THSD7B: variants seen among roughly 807,000 people sequenced by gnomAD.
The protein encoded by THSD7B is thrombospondin type-1 domain-containing protein 7B.
A neutral mutation model predicts 213.6 loss-of-function variants in THSD7B; 138 were observed. The ratio of observed to expected loss-of-function variants is 0.65; its 90% CI spans 0.56 to 0.74. The LOEUF (loss-of-function observed/expected upper bound fraction) is 0.74, where lower values mean the gene tolerates loss of function less well. Ranked by LOEUF, THSD7B falls within the 30% of genes least tolerant of loss-of-function variation. THSD7B has a pLI of 0.00. For synonymous variants in THSD7B, 742 were observed against 687.0 expected (o/e 1.08, Z -1.25); for missense variants, 1,931 against 1,991.5 (o/e 0.97, Z 0.58).
intron 14 of THSD7B, among the ~76,000 whole-genome samples, chr2:137,433,785 A>G (rs1687235840): frequency 6.6e-6 from 1 of 152,156 alleles, no homozygotes; most frequent in African/African-American, 2.4e-5. Flanking sequence ...ATACCTATTG[A>G]TGCATTTTCA....
chr2:137,341,990 C>T (rs1264595281), intron 12 of THSD7B, among the ~76,000 whole-genome samples: 1 of 150,934 alleles, frequency 6.6e-6, no homozygotes, highest in Non-Finnish European at 1.5e-5. Context: ...TGTTGTTGCT[C>T]CATATGAATT....
intron 9 of THSD7B, among the ~76,000 whole-genome samples, chr2:137,237,339 A>G (rs1338651876): frequency 6.6e-6 from 1 of 152,204 alleles, no homozygotes; most frequent in Non-Finnish European, 1.5e-5. Flanking sequence ...AAGTGAATCC[A>G]TCTGTTTCTC....
chr2:137,063,886 A>G (rs1176684744), intron 3 of THSD7B, among the ~76,000 whole-genome samples: 1 of 152,026 alleles, frequency 6.6e-6, no homozygotes, highest in Admixed American at 6.6e-5. Flanking sequence ...TCCATTGTGT[A>G]TATGTACCAC....
chr2:136,935,785 T>C (rs78536724), intron 2 of THSD7B, among the ~76,000 whole-genome samples: 2,496 of 151,842 alleles, frequency 0.016, 35 homozygotes, highest in Middle Eastern at 0.021. Context: ...GAGTGTGCTC[T>C]GTGAAGGGGG....
At chr2:136,781,407 G>A (rs1681739982) in intron 1 of THSD7B, among the ~76,000 whole-genome samples, 1 of 151,284 alleles carries the variant, frequency 6.6e-6, no homozygotes, top group South Asian at 2.1e-4. Context: ...TGGGACCACA[G>A]GTGCACACCA....
intron 15 of THSD7B, among the ~76,000 whole-genome samples, chr2:137,496,238 C>G (rs2105129031): frequency 6.6e-6 from 1 of 152,228 alleles, no homozygotes; most frequent in South Asian, 2.1e-4. Context: ...GAGTAGATTC[C>G]AGGTCCAATG....
intron 1 of THSD7B, among the ~76,000 whole-genome samples, chr2:136,861,697 A>T (rs570042108): frequency 6.6e-6 from 1 of 152,330 alleles, no homozygotes; most frequent in African/African-American, 2.4e-5. Context: ...GGTCTAGAGA[A>T]ATTGAAAGAA....
chr2:137,361,181 T>A (rs568637203), intron 12 of THSD7B, among the ~76,000 whole-genome samples: 29 of 151,460 alleles, frequency 1.9e-4, no homozygotes, highest in African/African-American at 6.6e-4. Flanking sequence ...AGGAATAGCA[T>A]CCACATCAAA....
chr2:137,604,736 A>T (rs983211536), intron 17 of THSD7B, among the ~76,000 whole-genome samples: 2 of 152,090 alleles, frequency 1.3e-5, no homozygotes, highest in African/African-American at 4.8e-5. Flanking sequence ...AAAAATTTAG[A>T]TGTTTCTTTC....
chr2:137,481,256 A>G (rs1558810557), intron 15 of THSD7B, among the ~76,000 whole-genome samples: 1 of 152,246 alleles, frequency 6.6e-6, no homozygotes, highest in Admixed American at 6.5e-5. Flanking sequence ...TAGTTAAGAC[A>G]TATACATGCA....
intron 12 of THSD7B, among the ~76,000 whole-genome samples, chr2:137,299,595 A>G (rs946723959): frequency 6.6e-6 from 1 of 152,148 alleles, no homozygotes; most frequent in Non-Finnish European, 1.5e-5. Context: ...GAGGCTACAA[A>G]ATAACAACAT....
At chr2:137,549,310 C>CTTTTTTTTTTT (rs1027305359) in intron 15 of THSD7B, among the ~76,000 whole-genome samples, 1 of 25,206 alleles carries the variant, frequency 4.0e-5, no homozygotes, top group African/African-American at 2.2e-4. Flanking sequence ...TTCAGATGCT[C>CTTTTTTTTTTT]TTTTTTTTTT....
intron 1 of THSD7B, among the ~76,000 whole-genome samples, chr2:136,777,771 A>T (rs1681641421): frequency 1.3e-5 from 2 of 152,212 alleles, no homozygotes; most frequent in South Asian, 4.1e-4. Flanking sequence ...TTGGAATTTT[A>T]GGTTTTGGAA....
At chr2:137,376,523 A>G (rs1222827335) in intron 12 of THSD7B, among the ~76,000 whole-genome samples, 3 of 152,148 alleles carry the variant, frequency 2.0e-5, no homozygotes, top group African/African-American at 7.2e-5. Context: ...GTTTGAAGAG[A>G]TACAGGTGAA....
At chr2:137,081,350 T>G (rs192794591) in intron 3 of THSD7B, among the ~76,000 whole-genome samples, 1 of 152,314 alleles carries the variant, frequency 6.6e-6, no homozygotes, top group East Asian at 1.9e-4. Context: ...TATTTTCCAT[T>G]TCATTTACTT....
intron 1 of THSD7B, among the ~76,000 whole-genome samples, chr2:136,829,124 A>G (rs2435389): frequency 0.82 from 123,815 of 151,370 alleles, 51,045 homozygotes; most frequent in Non-Finnish European, 0.87. Flanking sequence ...CTACATGGTA[A>G]GTTCTGTAAG....
intron 1 of THSD7B, among the ~76,000 whole-genome samples, chr2:136,863,867 G>A (rs1649568): frequency 0.79 from 120,702 of 152,102 alleles, 48,178 homozygotes; most frequent in Middle Eastern, 0.94. Flanking sequence ...CGTGATAAAA[G>A]ATGTAAAAGT....
At chr2:137,506,729 C>A (rs1229127868) in intron 15 of THSD7B, among the ~76,000 whole-genome samples, 1 of 152,184 alleles carries the variant, frequency 6.6e-6, no homozygotes, top group African/African-American at 2.4e-5. Flanking sequence ...AGGATGACCT[C>A]CTGATGAAAA....
chr2:136,983,638 C>T (rs548836296), intron 2 of THSD7B, among the ~76,000 whole-genome samples: 80 of 152,004 alleles, frequency 5.3e-4, no homozygotes, highest in African/African-American at 1.8e-3. Flanking sequence ...GTTTATGGGT[C>T]ATTAAAATTG....
Sources: gnomAD v4.1 joint callset for allele counts (sites outside exome capture counted in the v4.1 genomes callset) on GRCh38, gnomAD v4.1.1 for gene constraint, MANE v1.5 for transcripts, NCBI Gene and HGNC (gene_info 2026-07-23, HGNC 2026-07-21) for gene names.